RARB: variants seen among roughly 807,000 people sequenced by gnomAD.
RARB encodes the protein retinoic acid receptor beta, also known as HBV-activated protein.
RARB carries 17 observed loss-of-function variants against 51.9 expected under a neutral mutation model. The ratio of observed to expected loss-of-function variants is 0.33; its 90% CI spans 0.22 to 0.49. The LOEUF (loss-of-function observed/expected upper bound fraction) is 0.49, where lower values mean the gene tolerates loss of function less well. Ranked by LOEUF, RARB falls within the 20% of genes least tolerant of loss-of-function variation. RARB has a pLI of 0.99. For synonymous variants in RARB, 215 were observed against 195.4 expected (o/e 1.10, Z -0.84); for missense variants, 369 against 550.8 (o/e 0.67, Z 3.30).
chr3:25,307,383 T>G (rs1575299709), intron 5 of RARB, among the ~76,000 whole-genome samples: 1 of 148,562 alleles, frequency 6.7e-6, no homozygotes, highest in African/African-American at 2.5e-5. Context: ...CGAAACTCTG[T>G]CTCAAAAAAA....
intron 5 of RARB, among the ~76,000 whole-genome samples, chr3:25,584,670 C>T (rs994846197): frequency 1.3e-5 from 2 of 152,136 alleles, no homozygotes; most frequent in African/African-American, 2.4e-5. Flanking sequence ...GGCCTGTGAT[C>T]GTGCACAGAT....
intron 2 of RARB, among the ~76,000 whole-genome samples, chr3:25,014,333 G>A (rs1267729807): frequency 6.6e-6 from 1 of 152,170 alleles, no homozygotes; most frequent in Non-Finnish European, 1.5e-5. Context: ...AGTCTTGGAA[G>A]CTCCTGAATT....
intron 5 of RARB, among the ~76,000 whole-genome samples, chr3:25,218,367 C>G (rs954464384): frequency 3.9e-5 from 6 of 152,272 alleles, no homozygotes; most frequent in East Asian, 1.9e-4. Context: ...TACCCACCCC[C>G]CAACAAGGCC....
intron 5 of RARB, among the ~76,000 whole-genome samples, chr3:25,403,608 A>T (rs1707323830): frequency 6.6e-6 from 1 of 152,158 alleles, no homozygotes. Flanking sequence ...TAACTTTAGA[A>T]CCAGAATAAA....
chr3:25,051,703 C>CA (rs966563615), intron 2 of RARB, among the ~76,000 whole-genome samples: 50 of 152,118 alleles, frequency 3.3e-4, no homozygotes, highest in African/African-American at 1.2e-3. Context: ...GACCATGAGA[C>CA]AAGCATATAA....
At chr3:24,837,186 A>G (rs1702355997) in intron 1 of RARB, among the ~76,000 whole-genome samples, 1 of 152,212 alleles carries the variant, frequency 6.6e-6, no homozygotes, top group South Asian at 2.1e-4. Context: ...AGAATACTTT[A>G]CTTGCAGATC....
intron 2 of RARB, among the ~76,000 whole-genome samples, chr3:25,054,272 G>C (rs577385244): frequency 3.3e-4 from 50 of 152,286 alleles, no homozygotes; most frequent in African/African-American, 1.2e-3. Flanking sequence ...AGTTGGCTAA[G>C]CACTACGTGA....
intron 5 of RARB, among the ~76,000 whole-genome samples, chr3:25,413,051 A>G (rs1707608526): frequency 6.6e-6 from 1 of 151,946 alleles, no homozygotes; most frequent in Admixed American, 6.6e-5. Context: ...AAGAAGAAAG[A>G]AAAAATATGA....
At chr3:25,291,773 C>T (rs1299828763) in intron 5 of RARB, among the ~76,000 whole-genome samples, 1 of 152,004 alleles carries the variant, frequency 6.6e-6, no homozygotes, top group African/African-American at 2.4e-5. Context: ...CTAGTAGCAG[C>T]TTGTATGGCT....
intron 2 of RARB, among the ~76,000 whole-genome samples, chr3:24,945,759 C>G (rs1311961633): frequency 2.6e-5 from 4 of 152,224 alleles, no homozygotes; most frequent in Non-Finnish European, 5.9e-5. Flanking sequence ...ATTTCTTGTT[C>G]TCCTTGACAC....
intron 5 of RARB, among the ~76,000 whole-genome samples, chr3:25,386,806 C>T (rs548067542): frequency 3.3e-5 from 5 of 152,276 alleles, no homozygotes; most frequent in South Asian, 4.2e-4. Flanking sequence ...TGGGTGTCAC[C>T]GCCCTTGGGC....
intron 5 of RARB, among the ~76,000 whole-genome samples, chr3:25,200,075 A>C (rs555556873): frequency 2.6e-5 from 4 of 152,088 alleles, no homozygotes; most frequent in African/African-American, 4.8e-5. Context: ...GTGTAAAAGT[A>C]TTCCTATTTC....
At chr3:24,892,713 G>A (rs1703409575) in intron 2 of RARB, among the ~76,000 whole-genome samples, 1 of 152,198 alleles carries the variant, frequency 6.6e-6, no homozygotes. Context: ...AATTCTTAGT[G>A]TAAGAGTCAG....
In RARB at chr3:25,281,395, A is replaced by G. The variant is rs932818382; in HGVS notation, c.178+106820A>G. Among the ~76,000 whole-genome samples the G allele has an allele frequency of 7.9e-5, 12 of 152,356 alleles. 1 individual carries two copies. Among genetic ancestry groups the G allele is most frequent in the Admixed American group, 3.9e-4 (6 of 15,296 alleles). On this transcript the variant is annotated intron_variant, in intron 5 of 11. Coordinates refer to the RARB transcript ENST00000383772. ...ATAGTTCAAGTGAAGGCCACTAGCT[A>G]TGACTTCACTTTGGCTGGGGTTTCC...
intron 4 of RARB, among the ~76,000 whole-genome samples, chr3:25,575,755 C>T (rs1015137810): frequency 1.1e-4 from 16 of 152,232 alleles, no homozygotes; most frequent in Non-Finnish European, 1.9e-4. Context: ...ACTTGATTAC[C>T]CCTATAAAGA....
intron 3 of RARB, among the ~76,000 whole-genome samples, chr3:25,122,507 G>A (rs1364537092): frequency 6.6e-6 from 1 of 152,076 alleles, no homozygotes. Context: ...ATTCTTATAT[G>A]CAGAATGCAT....
intron 2 of RARB, among the ~76,000 whole-genome samples, chr3:24,919,703 C>CT (rs1695180091): frequency 6.6e-6 from 1 of 152,204 alleles, no homozygotes; most frequent in Admixed American, 6.5e-5. Flanking sequence ...GGTATCTTTT[C>CT]TAAAAGGACC....
intron 2 of RARB, among the ~76,000 whole-genome samples, chr3:24,879,345 C>T (rs974076345): frequency 4.0e-5 from 6 of 151,810 alleles, no homozygotes; most frequent in Non-Finnish European, 5.9e-5. Context: ...AGGAGAATGG[C>T]GTGAACCCGG....
At chr3:25,386,280 C>T (rs1195119959) in intron 5 of RARB, among the ~76,000 whole-genome samples, 1 of 152,034 alleles carries the variant, frequency 6.6e-6, no homozygotes, top group Non-Finnish European at 1.5e-5. Flanking sequence ...AAGGGAACAA[C>T]CTCTCAAAGG....
Sources: gnomAD v4.1 joint callset for allele counts (sites outside exome capture counted in the v4.1 genomes callset) on GRCh38, gnomAD v4.1.1 for gene constraint, MANE v1.5 for transcripts, NCBI Gene and HGNC (gene_info 2026-07-23, HGNC 2026-07-21) for gene names.